The following BFSP2 variants were observed in gnomAD, a reference collection of about 807,000 sequenced individuals.
The protein encoded by BFSP2 is phakinin.
BFSP2 carries 38 observed loss-of-function variants against 44.9 expected under a neutral mutation model. That is an observed-to-expected ratio of 0.85 (90% CI 0.65 to 1.11). The LOEUF is 1.11. BFSP2 is among the 50% of genes least tolerant of loss of function. BFSP2 has a pLI of 0.00. For missense variants in BFSP2, 525 were observed against 533.0 expected (o/e 0.99, Z 0.15); for synonymous variants, 197 against 209.9 (o/e 0.94, Z 0.53).
chr3:133,473,438 CAAAA>C (rs748691333), intron 6 of BFSP2, among the ~76,000 whole-genome samples: 4 of 73,126 alleles, frequency 5.5e-5, no homozygotes, highest in African/African-American at 1.6e-4. Flanking sequence ...GAGGCAGCAG[CAAAA>C]AAAAAAAAAA....
intron 4 of BFSP2, among the ~76,000 whole-genome samples, chr3:133,458,620 A>G (rs1313842343): frequency 6.6e-6 from 1 of 152,196 alleles, no homozygotes; most frequent in Non-Finnish European, 1.5e-5. Context: ...ACTTGAACCC[A>G]GGAGGTGGAG....
intron 1 of BFSP2, among the ~76,000 whole-genome samples, chr3:133,421,127 TTCTC>T (rs1310134544): frequency 3.3e-5 from 5 of 152,142 alleles, no homozygotes; most frequent in African/African-American, 9.7e-5. Context: ...CTCCTGCTGT[TTCTC>T]TATCACCCAG....
chr3:133,468,479 G>A (rs1283032146), intron 5 of BFSP2, among the ~76,000 whole-genome samples: 1 of 152,152 alleles, frequency 6.6e-6, no homozygotes, highest in Non-Finnish European at 1.5e-5. Flanking sequence ...TGTGGCCTCT[G>A]CTGGGGCTGG....
At chr3:133,409,098 TG>T (rs993312437) in intron 1 of BFSP2, among the ~76,000 whole-genome samples, 1 of 152,222 alleles carries the variant, frequency 6.6e-6, no homozygotes, top group Non-Finnish European at 1.5e-5. Flanking sequence ...CTATTCCAAG[TG>T]GCTTTTTAAA....
intron 1 of BFSP2, among the ~76,000 whole-genome samples, chr3:133,417,592 CCCTCTACTCACT>C (rs140976074): frequency 0.013 from 1,851 of 141,372 alleles, 89 homozygotes; most frequent in African/African-American, 0.051. Context: ...CTGCCATCTC[CCCTCTACTCACT>C]CCTCTACTCA....
At chr3:133,463,508 GC>G (rs1258728095) in intron 4 of BFSP2, among the ~76,000 whole-genome samples, 1 of 152,212 alleles carries the variant, frequency 6.6e-6, no homozygotes, top group African/African-American at 2.4e-5. Context: ...ATGTGCGATG[GC>G]CTGCTAGCAC....
chr3:133,472,434 G>A lies in BFSP2; in HGVS notation c.1113G>A (p.Glu371=). The change falls in exon 6 of 7, where the codon GAG becomes GAA. Residue 371 remains glutamate (E), a synonymous_variant. Coordinates refer to ENST00000302334, the MANE Select transcript of BFSP2 (RefSeq NM_003571.4). ...TGGGCGCTGTGGTCGGCCGGCTGGA[G>A]GCGGAGCTCAGGGAAATCCGAGCGG... ...QNLGAVVGRL[E]AELREIRAEA... The A allele has an allele frequency of 2.5e-6, 4 of 1,614,168 alleles. No individual in the cohort carries two copies. The highest frequency in any genetic ancestry group is 1.1e-5 in the South Asian group (1 of 91,084).
Position 133,466,835 on chromosome 3 carries a change from C to A in BFSP2, c.899C>A (p.Ala300Glu). The A allele has an allele frequency of 6.2e-7, 1 of 1,613,664 alleles. No homozygotes were observed. The highest frequency in any genetic ancestry group is 8.5e-7 in the Non-Finnish European group (1 of 1,179,972). ...AGALLQAKQQ[A>E]EVAHMSQTQE... The stretch of plus-strand genomic sequence containing the variant: ...AGACCTGACTCTCCACAGCAACAGG[C>A]GGAGGTGGCCCACATGTCCCAGACC... Residue 300 changes from alanine (A) to glutamate (E), a missense_variant, in exon 5 of 7, where the codon GCG becomes GAG. Coordinates refer to ENST00000302334, the MANE Select transcript of BFSP2 (RefSeq NM_003571.4).
At chr3:133,426,226 C>G (rs909714440) in intron 1 of BFSP2, among the ~76,000 whole-genome samples, 19 of 151,968 alleles carry the variant, frequency 1.3e-4, no homozygotes, top group African/African-American at 4.3e-4. Flanking sequence ...CCCCAAGTTT[C>G]TGCCTCTGCA....
intron 1 of BFSP2, among the ~76,000 whole-genome samples, chr3:133,419,906 C>T (rs2073577026): frequency 1.3e-5 from 2 of 152,348 alleles, no homozygotes; most frequent in East Asian, 1.9e-4. Flanking sequence ...GGCTCCGGCT[C>T]CGCCAAACCA....
intron 1 of BFSP2, among the ~76,000 whole-genome samples, chr3:133,429,925 T>C (rs1487874713): frequency 2.0e-5 from 3 of 148,932 alleles, no homozygotes; most frequent in Non-Finnish European, 4.4e-5. Context: ...CCCACAACAG[T>C]CCCCGGTGCG....
intron 1 of BFSP2, among the ~76,000 whole-genome samples, chr3:133,418,244 T>C (rs75962798): frequency 0.11 from 16,934 of 152,060 alleles, 1,232 homozygotes; most frequent in East Asian, 0.33. Context: ...CTTTCAACTT[T>C]ACTTCATTTT....
intron 1 of BFSP2, among the ~76,000 whole-genome samples, chr3:133,425,436 C>G (rs1317830085): frequency 6.6e-6 from 1 of 152,144 alleles, no homozygotes; most frequent in Non-Finnish European, 1.5e-5. Context: ...CTCCCAAGAT[C>G]CCTTTCAACT....
At chr3:133,431,673 TA>T (rs1221272311) in intron 1 of BFSP2, among the ~76,000 whole-genome samples, 1 of 151,950 alleles carries the variant, frequency 6.6e-6, no homozygotes, top group Admixed American at 6.5e-5. Context: ...CAGCGGAGGG[TA>T]AGTCCATCCC....
At chr3:133,473,505 G>C (rs2074186551) in intron 6 of BFSP2, among the ~76,000 whole-genome samples, 1 of 148,136 alleles carries the variant, frequency 6.8e-6, no homozygotes, top group Non-Finnish European at 1.5e-5. Context: ...GTTTCTCGCA[G>C]AGGGGGATTT....
intron 1 of BFSP2, among the ~76,000 whole-genome samples, chr3:133,405,393 T>C (rs1187794433): frequency 6.6e-6 from 1 of 152,204 alleles, no homozygotes; most frequent in Admixed American, 6.5e-5. Flanking sequence ...ACAGCCCGTC[T>C]TTCTGTCCCT....
chr3:133,407,952 T>C (rs186452905), intron 1 of BFSP2, among the ~76,000 whole-genome samples: 227 of 152,264 alleles, frequency 1.5e-3, no homozygotes, highest in African/African-American at 5.2e-3. Context: ...CCTTTATAAC[T>C]TGGATGTGGG....
At chr3:133,422,064 G>A (rs565003219) in intron 1 of BFSP2, among the ~76,000 whole-genome samples, 5 of 126,422 alleles carry the variant, frequency 4.0e-5, no homozygotes, top group Admixed American at 1.0e-4. Flanking sequence ...CCAAGATAGC[G>A]CCACTGCACT....
chr3:133,474,852 T>A, intron 6 of BFSP2, 117 bp from the exon 7 acceptor site: 1 of 1,381,828 alleles, frequency 7.2e-7, no homozygotes, highest in Non-Finnish European at 1.0e-6. Flanking sequence ...CCCAAAACTA[T>A]CTTGTTCCAA....
Sources: allele counts gnomAD v4.1 joint callset (sites outside exome capture counted in the v4.1 genomes callset), GRCh38; gene constraint gnomAD v4.1.1; transcripts MANE v1.5; gene names NCBI Gene and HGNC (gene_info 2026-07-23, HGNC 2026-07-21).